SLC14A2: variants seen among roughly 807,000 people sequenced by gnomAD.
SLC14A2 encodes solute carrier family 14 member 2, also known as urea transporter 2.
SLC14A2 carries 91 observed loss-of-function variants against 104.6 expected under a neutral mutation model. That is an observed-to-expected ratio of 0.87 (90% CI 0.73 to 1.04). The LOEUF is 1.04. SLC14A2 is among the 50% of genes least tolerant of loss of function. The pLI, the probability that SLC14A2 is intolerant of heterozygous loss-of-function variation, is 0.00. For missense variants in SLC14A2, 1,189 were observed against 1,156.0 expected, an observed-to-expected ratio of 1.03 and a Z score of -0.41; for synonymous variants, 476 against 466.4, an observed-to-expected ratio of 1.02 and a Z score of -0.27.
At chr18:45,562,634 T>C (rs2044215850) in intron 2 of SLC14A2, among the ~76,000 whole-genome samples, 1 of 152,196 alleles carries the variant, frequency 6.6e-6, no homozygotes, top group Non-Finnish European at 1.5e-5. Flanking sequence ...ATGTGGCTTG[T>C]TGGCCCGGGC....
intron 1 of SLC14A2, among the ~76,000 whole-genome samples, chr18:45,350,726 C>T (rs1308126227): frequency 2.6e-5 from 4 of 151,208 alleles, no homozygotes; most frequent in African/African-American, 9.7e-5. Context: ...TAAATAAGAC[C>T]CTATTAGGGA....
intron 7 of SLC14A2, among the ~76,000 whole-genome samples, chr18:45,640,551 G>A (rs2045507833): frequency 2.0e-5 from 3 of 152,172 alleles, no homozygotes; most frequent in Admixed American, 2.0e-4. Context: ...ATAGGTATTT[G>A]CTCTTTCTGA....
intron 2 of SLC14A2, among the ~76,000 whole-genome samples, chr18:45,545,714 CTG>C (rs1341528448): frequency 6.6e-6 from 1 of 152,240 alleles, no homozygotes; most frequent in African/African-American, 2.4e-5. Context: ...TCATTGGTCA[CTG>C]TGTTAAAAAG....
intron 1 of SLC14A2, among the ~76,000 whole-genome samples, chr18:45,414,541 G>A (rs542021012): frequency 6.6e-6 from 1 of 151,100 alleles, no homozygotes; most frequent in South Asian, 2.1e-4. Context: ...GAATATTTTG[G>A]TACGTGTATA....
chr18:45,392,637 A>G (rs1483987842), intron 1 of SLC14A2, among the ~76,000 whole-genome samples: 1 of 152,218 alleles, frequency 6.6e-6, no homozygotes, highest in East Asian at 1.9e-4. Flanking sequence ...TTTATATCTG[A>G]ACATCTATAC....
intron 2 of SLC14A2, among the ~76,000 whole-genome samples, chr18:45,549,632 C>T (rs866482395): frequency 3.9e-5 from 6 of 152,230 alleles, no homozygotes; most frequent in Admixed American, 1.3e-4. Context: ...AAATGCTAGT[C>T]GGATGCTACG....
rs566556268 is a variant in SLC14A2, at chr18:45,355,263, T to A, written c.-124-127970T>A. Reference sequence around the variant, plus strand: ...ACTTTATGATGCTAATAGAGATATATCTCTAATCCTATAGAGATATAAGAG... The same window carrying A: ...ACTTTATGATGCTAATAGAGATATAACTCTAATCCTATAGAGATATAAGAG... On this transcript the variant is annotated intron_variant, in intron 1 of 20. Coordinates refer to the SLC14A2 transcript ENST00000586448. Among the ~76,000 whole-genome samples, 39 of 152,178 alleles carry A rather than the reference T, an allele frequency of 2.6e-4. No individual in the cohort carries two copies. In the South Asian group the frequency reaches 7.9e-3, roughly 31 times the overall value.
At chr18:45,434,836 G>A (rs2086571497) in intron 1 of SLC14A2, among the ~76,000 whole-genome samples, 2 of 152,160 alleles carry the variant, frequency 1.3e-5, no homozygotes, top group South Asian at 4.1e-4. Context: ...CCACCTACTT[G>A]AAGTGAATAG....
chr18:45,473,883 T>G (rs368230807), intron 1 of SLC14A2, among the ~76,000 whole-genome samples: 32 of 152,208 alleles, frequency 2.1e-4, no homozygotes, highest in African/African-American at 7.5e-4. Flanking sequence ...TTCTCTTGCC[T>G]GATTGCCCTG....
At chr18:45,230,799 A>G (rs1174542138) in intron 1 of SLC14A2, among the ~76,000 whole-genome samples, 1 of 152,220 alleles carries the variant, frequency 6.6e-6, no homozygotes, top group African/African-American at 2.4e-5. Flanking sequence ...TCAGAGTGTC[A>G]GGAAAGGAAG....
intron 1 of SLC14A2, among the ~76,000 whole-genome samples, chr18:45,477,708 T>C (rs2087410662): frequency 6.6e-6 from 1 of 152,188 alleles, no homozygotes; most frequent in Non-Finnish European, 1.5e-5. Context: ...AGAGAAGCAG[T>C]CTGGCTACAG....
Position 45,353,997 on chromosome 18 carries a change from T to C in SLC14A2, c.-124-129236T>C, listed in dbSNP as rs1362059676. Among the ~76,000 whole-genome samples, 4 of 152,246 alleles carry C rather than the reference T, an allele frequency of 2.6e-5. No individual in the cohort carries two copies. The East Asian group carries it at 5.8e-4, about 22-fold the overall frequency. On this transcript the variant is annotated intron_variant, in intron 1 of 20. Coordinates refer to the SLC14A2 transcript ENST00000586448. Reference sequence around the variant, plus strand: ...TGGTGGAGATGATGGACAGTGTTTGTGCTCTCCCTTCACCATGAGAAAGAG... The same window carrying C: ...TGGTGGAGATGATGGACAGTGTTTGCGCTCTCCCTTCACCATGAGAAAGAG...
At chr18:45,567,054 TAG>T (rs908845625) in intron 2 of SLC14A2, among the ~76,000 whole-genome samples, 4 of 95,304 alleles carry the variant, frequency 4.2e-5, no homozygotes, top group East Asian at 4.0e-4. Flanking sequence ...CATGTGCACA[TAG>T]TGTGTGTGTG....
intron 6 of SLC14A2, 69 bp downstream of exon 6, chr18:45,637,251 G>T: frequency 7.7e-7 from 1 of 1,295,958 alleles, no homozygotes. Flanking sequence ...CAACCAATTT[G>T]TGGACTATCC....
chr18:45,631,160 TATTC>T (rs531666735), intron 4 of SLC14A2, among the ~76,000 whole-genome samples: 88 of 152,242 alleles, frequency 5.8e-4, no homozygotes, highest in African/African-American at 1.9e-3. Context: ...ACGCCCACAT[TATTC>T]ATTCAACAAA....
At chr18:45,225,210 G>T (rs1437409383) in intron 1 of SLC14A2, among the ~76,000 whole-genome samples, 2 of 152,062 alleles carry the variant, frequency 1.3e-5, no homozygotes, top group African/African-American at 2.4e-5. Flanking sequence ...TTCTACATGT[G>T]GCTAGCCAGT....
chr18:45,291,871 C>T (rs1040014414), intron 1 of SLC14A2, among the ~76,000 whole-genome samples: 3 of 152,076 alleles, frequency 2.0e-5, no homozygotes, highest in Non-Finnish European at 4.4e-5. Flanking sequence ...ACAAACTGGC[C>T]AACATCCTCT....
intron 1 of SLC14A2, among the ~76,000 whole-genome samples, chr18:45,302,266 A>G (rs2084975873): frequency 6.6e-6 from 1 of 152,208 alleles, no homozygotes; most frequent in Admixed American, 6.5e-5. Flanking sequence ...TTAGATGATA[A>G]TGTCTCTGGC....
intron 1 of SLC14A2, among the ~76,000 whole-genome samples, chr18:45,220,218 G>A (rs749667146): frequency 6.6e-6 from 1 of 152,204 alleles, no homozygotes; most frequent in Non-Finnish European, 1.5e-5. Context: ...GCCCCTGGAA[G>A]TGTCATCCCG....
Sources: allele counts gnomAD v4.1 joint callset (sites outside exome capture counted in the v4.1 genomes callset), GRCh38; gene constraint gnomAD v4.1.1; transcripts MANE v1.5; gene names NCBI Gene and HGNC (gene_info 2026-07-23, HGNC 2026-07-21).